Variants in COCH observed in about 807,000 individuals in gnomAD.
The protein encoded by COCH is cochlin, also known as coagulation factor C homolog, cochlin (Limulus polyphemus).
COCH carries 40 observed loss-of-function variants against 54.8 expected under a neutral mutation model. That is an observed-to-expected ratio of 0.73 (90% confidence interval 0.57 to 0.95). The LOEUF is 0.95. Among genes scored for constraint, COCH ranks in the 40% least tolerant of loss-of-function variants. The pLI, the probability that COCH is intolerant of heterozygous loss-of-function variation, is 0.00. For missense variants in COCH, 605 were observed against 675.0 expected (o/e 0.90, Z 1.15); for synonymous variants, 256 against 237.9 (o/e 1.08, Z -0.70).
chr14:30,881,212 C>CA (rs11297000), intron 8 of COCH, among the ~76,000 whole-genome samples: 9,020 of 92,826 alleles, frequency 0.097, 505 homozygotes, highest in South Asian at 0.35. Flanking sequence ...GACTATGTCT[C>CA]AAAAAAAAAA....
chr14:30,884,821 T>A (rs1411554669), intron 9 of COCH, 165 bp downstream of exon 9: 2 of 1,400,284 alleles, frequency 1.4e-6, no homozygotes, highest in Non-Finnish European at 1.9e-6. Flanking sequence ...TTTCAATTTA[T>A]AATGGAAGTA....
chr14:30,884,419 G>T, intron 8 of COCH, 134 bp from the exon 9 acceptor site: 2 of 659,768 alleles, frequency 3.0e-6, no homozygotes, highest in South Asian at 3.5e-5. Context: ...CAATGCCTCA[G>T]TTGACTATGT....
At chr14:30,874,768 T>A in intron 1 of COCH, 148 bp from the exon 2 acceptor site, 1 of 746,512 alleles carries the variant, frequency 1.3e-6, no homozygotes, top group Non-Finnish European at 2.3e-6. Flanking sequence ...CTCCCAGACC[T>A]AGAGGGGCGC....
chr14:30,887,644 TG>T (rs1555312131), intron 11 of COCH, among the ~76,000 whole-genome samples: 1 of 152,142 alleles, frequency 6.6e-6, no homozygotes, highest in Non-Finnish European at 1.5e-5. Context: ...TCAATGGACT[TG>T]TTTTTTTTAA....
chr14:30,877,733 GC>G lies in COCH; in HGVS notation c.239+8del. 2 of 1,614,170 alleles carry G rather than the reference GC, an allele frequency of 1.2e-6. No individual in the cohort carries two copies. The highest frequency in any genetic ancestry group is 1.7e-6 in the Non-Finnish European group (2 of 1,180,036). On this transcript the variant is annotated splice_donor_region_variant and intron_variant, in intron 4 of 11. Coordinates refer to ENST00000396618, the MANE Select transcript of COCH (RefSeq NM_004086.3). This position sits in a 1 kb window ranked among gnomAD's most constrained non-coding sequence, Gnocchi z 8.6. ...ATGTGGGGCTGCTGTCCACAGGTAAGCCCAAACACACCAGGGTGGGAGAGAA... is the reference window on the plus strand; with the variant it reads ...ATGTGGGGCTGCTGTCCACAGGTAAGCCAAACACACCAGGGTGGGAGAGAA...
rs1310628801 is a variant in COCH at position 30,878,891 on chromosome 14, A to G, written c.320A>G (p.Asn107Ser). The change falls in exon 5 of 12, where the codon AAT (asparagine) becomes AGT (serine). Residue 107 changes from asparagine to serine, a missense_variant. Coordinates refer to ENST00000396618, the MANE Select transcript of COCH (RefSeq NM_004086.3). ...GRENYSSVDA[N>S]GIQSQMLSRW... is the part of the protein sequence containing the mutation. The stretch of plus-strand genomic sequence containing the variant: ...GAAAACTATTCCTCAGTAGATGCCA[A>G]TGGCATCCAGTCTCAAATGCTTTCT... 5.0e-6 allele frequency: 8 copies of G among 1,614,080 alleles called. No individual in the cohort carries two copies. The highest frequency in any genetic ancestry group is 2.2e-5 in the South Asian group (2 of 91,078).
chr14:30,890,311 G>T lies in COCH; in HGVS notation c.*520G>T. On this transcript the variant is annotated 3_prime_UTR_variant, in exon 12 of 12. Transcript: ENST00000396618. The stretch of plus-strand genomic sequence containing the variant: ...GCTATTACTGCAGACTATAAAATCT[G>T]GATATAGAAAGGAGACCTGTATCAA... 2.0e-6 allele frequency: 2 copies of T among 985,526 alleles called. No homozygotes were observed. The highest frequency in any genetic ancestry group is 2.4e-6 in the Non-Finnish European group (2 of 830,072). The allele number at this position is 985,526 out of a possible 1,614,324, so 61.0% of individuals were successfully genotyped here.
intron 8 of COCH, 51 bp downstream of exon 8, chr14:30,880,785 T>C: frequency 7.6e-7 from 1 of 1,313,786 alleles, no homozygotes; most frequent in East Asian, 2.3e-5. Context: ...ATTTTGTAAT[T>C]GACACATAAT....
At chr14:30,892,026 G>C (rs1308546056), downstream of COCH, among the ~76,000 whole-genome samples, 1 of 152,110 alleles carries the variant, frequency 6.6e-6, no homozygotes, top group African/African-American at 2.4e-5. Context: ...TTGAAATAAT[G>C]AGAAAAACAA....
downstream of COCH, among the ~76,000 whole-genome samples, chr14:30,891,708 A>G (rs1895986306): frequency 6.6e-6 from 1 of 152,240 alleles, no homozygotes; most frequent in South Asian, 2.1e-4. Context: ...ATGAAAACCC[A>G]GCTACCACTC....
chr14:30,879,024 T>TA lies in COCH; in HGVS notation c.373+82dup, dbSNP rs1279286027. On this transcript the variant is annotated intron_variant, in intron 5 of 11. Coordinates refer to ENST00000396618, the MANE Select transcript of COCH (RefSeq NM_004086.3). The stretch of plus-strand genomic sequence containing the variant: ...TCTGCTTTTTTTAGCTCAGCCTCTT[T>TA]AACCTTGATGGAAAAACCTGTGATC... 8 of 1,561,326 alleles carry TA rather than the reference T, an allele frequency of 5.1e-6. No homozygotes were observed. The African/African-American group carries it at 9.5e-5, about 19-fold the overall frequency.
chr14:30,877,101 G>A lies in COCH; in HGVS notation c.83-471G>A, dbSNP rs746487301. On this transcript the variant is annotated intron_variant, in intron 3 of 11. Coordinates refer to ENST00000396618, the MANE Select transcript of COCH (RefSeq NM_004086.3). The surrounding 1 kb of genome is among the most constrained non-coding windows in gnomAD (Gnocchi z 8.6). ...TGGGATTATAGGCATGAGTCACCAC[G>A]CCCAGCCAAGATTTTTTATATTTCT... is the stretch of plus-strand genomic sequence containing the variant. 2.6e-5 allele frequency among the ~76,000 whole-genome samples: 4 copies of A among 151,920 alleles called. No individual in the cohort carries two copies. The highest frequency in any genetic ancestry group is 4.4e-5 in the Non-Finnish European group (3 of 67,986).
At position 30,879,030 on chromosome 14, in the gene COCH, T is replaced by C. The variant is rs796103256; in HGVS notation, c.373+86T>C. 3.2e-6 allele frequency: 5 copies of C among 1,549,550 alleles called. 1 individual carries two copies. In the African/African-American group the frequency reaches 6.8e-5, roughly 21 times the overall value. ...TTTTTTAGCTCAGCCTCTTTAACCT[T>C]GATGGAAAAACCTGTGATCAAGACT... On this transcript the variant is annotated intron_variant, in intron 5 of 11. Transcript: ENST00000396618.
rs1293610037 is a variant in COCH, at chr14:30,877,481, A to G, written c.83-91A>G. 2.7e-6 allele frequency: 4 copies of G among 1,490,084 alleles called. No homozygotes were observed. In the South Asian group the frequency reaches 4.6e-5, roughly 17 times the overall value. The allele number at this position is 1,490,084 out of a possible 1,614,324, so 92.3% of individuals were successfully genotyped here. On this transcript the variant is annotated intron_variant, in intron 3 of 11. Coordinates refer to ENST00000396618, the MANE Select transcript of COCH (RefSeq NM_004086.3). The surrounding 1 kb of genome is among the most constrained non-coding windows in gnomAD (Gnocchi z 8.6). Reference sequence around the variant, plus strand: ...TAACTAGAAGTGTAGAAATTAGGGAAGTAAAACTTAAATCTCACACTGTAG... The same window carrying G: ...TAACTAGAAGTGTAGAAATTAGGGAGGTAAAACTTAAATCTCACACTGTAG...
chr14:30,887,786 G>A (rs898540089), intron 11 of COCH, among the ~76,000 whole-genome samples: 2 of 151,096 alleles, frequency 1.3e-5, no homozygotes, highest in African/African-American at 4.9e-5. Context: ...TCTTAAAACA[G>A]AGAACACATG....
chr14:30,892,495 A>G (rs1896006705), downstream of COCH, among the ~76,000 whole-genome samples: 3 of 152,202 alleles, frequency 2.0e-5, no homozygotes, highest in African/African-American at 7.2e-5. Flanking sequence ...GAAAAACAAA[A>G]AAAATGGTAT....
rs1895716265 is a variant in COCH, at chr14:30,884,572, T to C, written c.649T>C (p.Phe217Leu). 6.2e-7 allele frequency: 1 copy of C among 1,613,072 alleles called. No individual in the cohort carries two copies. Among genetic ancestry groups the C allele is most frequent in the Non-Finnish European group, 8.5e-7 (1 of 1,179,172 alleles). Residue 217 changes from phenylalanine to leucine, a missense_variant, in exon 9 of 12, where the codon TTT becomes CTT. Phe to Leu is a conservative substitution (Grantham distance 22). Coordinates refer to ENST00000396618, the MANE Select transcript of COCH (RefSeq NM_004086.3). The stretch of plus-strand genomic sequence containing the variant: ...ACTCAGTGAACATCCCAAAATAGAA[T>C]TTTACTTGAAAAACTTTACATCAGC... ...VQASEHPKIE[F>L]YLKNFTSAKD... is the part of the protein sequence containing the mutation.
intron 7 of COCH, 40 bp downstream of exon 7, chr14:30,880,536 C>A: frequency 6.2e-7 from 1 of 1,614,022 alleles, no homozygotes; most frequent in Non-Finnish European, 8.5e-7. Flanking sequence ...TAGCATTTTC[C>A]CTCCCTCCTC....
At chr14:30,878,505 A>C (rs1895451595) in intron 4 of COCH, among the ~76,000 whole-genome samples, 1 of 152,034 alleles carries the variant, frequency 6.6e-6, no homozygotes, top group Non-Finnish European at 1.5e-5. Context: ...AAAAATACAA[A>C]AATTAGCCAG....
Sources: gnomAD v4.1 joint callset for allele counts (sites outside exome capture counted in the v4.1 genomes callset) on GRCh38, gnomAD v4.1.1 for gene constraint, Gnocchi (gnomAD v3.1) non-coding constraint, MANE v1.5 for transcripts, NCBI Gene and HGNC (gene_info 2026-07-23, HGNC 2026-07-21) for gene names.